EIF2AK1: variants seen among roughly 807,000 people sequenced by gnomAD.
EIF2AK1 encodes eukaryotic translation initiation factor 2-alpha kinase 1.
A neutral mutation model predicts 77.9 loss-of-function variants in EIF2AK1; 54 were observed. That is an observed-to-expected ratio of 0.69 (90% CI 0.56 to 0.87). The LOEUF is 0.87. Ranked by LOEUF, EIF2AK1 falls within the 40% of genes least tolerant of loss-of-function variation. The pLI, the probability that EIF2AK1 is intolerant of heterozygous loss-of-function variation, is 0.00. For missense variants in EIF2AK1, 810 were observed against 768.6 expected, an observed-to-expected ratio of 1.05 and a Z score of -0.64; for synonymous variants, 314 against 290.5, an observed-to-expected ratio of 1.08 and a Z score of -0.82.
At chr7:6,058,365 T>C in intron 1 of EIF2AK1, 1 of 328,224 alleles carries the variant, frequency 3.0e-6, no homozygotes, top group African/African-American at 2.2e-5. Flanking sequence ...TGCAATGAGC[T>C]ATGATTGTGC....
At chr7:6,031,297 A>T (rs1479068530) in intron 11 of EIF2AK1, 1 of 1,336,864 alleles carries the variant, frequency 7.5e-7, no homozygotes, top group Non-Finnish European at 1.0e-6. Flanking sequence ...CTAGAACTGA[A>T]CTGAAAGAAT....
chr7:6,037,343 A>G, intron 11 of EIF2AK1, 81 bp downstream of exon 11: 1 of 867,238 alleles, frequency 1.2e-6, no homozygotes, highest in Non-Finnish European at 1.9e-6. Context: ...ATGTAATCTT[A>G]TTTAGTTTAA....
intron 1 of EIF2AK1, among the ~76,000 whole-genome samples, chr7:6,056,403 G>A (rs887682513): frequency 7.3e-5 from 11 of 150,286 alleles, no homozygotes; most frequent in African/African-American, 2.7e-4. Flanking sequence ...GACCAGCCTG[G>A]CCAAGATGGT....
chr7:6,024,334 T>TGGGCAGTGACGA lies in EIF2AK1; in HGVS notation c.*327_*338dup. 1 of 1,223,296 alleles carries TGGGCAGTGACGA rather than the reference T, an allele frequency of 8.2e-7. No homozygotes were observed. The highest frequency in any genetic ancestry group is 1.0e-6 in the Non-Finnish European group (1 of 967,324). The allele number at this position is 1,223,296 out of a possible 1,614,324, so 75.8% of individuals were successfully genotyped here. The stretch of plus-strand genomic sequence containing the variant: ...CAGTGAGTATGTGCAGGCCCGGGCT[T>TGGGCAGTGACGA]GGGCAGTGACGAGGGCAGGGAGCAC... On this transcript the variant is annotated 3_prime_UTR_variant, in exon 15 of 15. Transcript: ENST00000199389.
At position 6,023,292 on chromosome 7, in the gene EIF2AK1, T is replaced by A; in HGVS notation, c.*1381A>T. ...TCTGGTGATGCTACCTGGCGTGTTT[T>A]TTCTTTTCAGTGCCGAAGACGCAGA... On this transcript the variant is annotated 3_prime_UTR_variant, in exon 15 of 15. Transcript: ENST00000199389. The A allele has an allele frequency of 8.9e-6, 14 of 1,578,790 alleles. 1 individual carries two copies. The Middle Eastern group carries it at 2.4e-3, about 276-fold the overall frequency.
chr7:6,058,097 C>T, intron 1 of EIF2AK1: 1 of 455,572 alleles, frequency 2.2e-6, no homozygotes, highest in Non-Finnish European at 4.4e-6. Context: ...CCCGTATCTC[C>T]TAGTAAACAA....
At chr7:6,052,637 C>CTT (rs530560578) in intron 2 of EIF2AK1, among the ~76,000 whole-genome samples, 2 of 113,264 alleles carry the variant, frequency 1.8e-5, no homozygotes, top group African/African-American at 3.2e-5. Flanking sequence ...TGGAACTATT[C>CTT]TTTTTTTTTT....
At chr7:6,055,342 C>CAA (rs58804557) in intron 1 of EIF2AK1, among the ~76,000 whole-genome samples, 34,183 of 70,446 alleles carry the variant, frequency 0.49, 7,643 homozygotes, top group Non-Finnish European at 0.52. Context: ...AACTCCGTCT[C>CAA]AAAAAAAAAA....
rs992986651 is a variant in EIF2AK1, at chr7:6,046,872, G to C, written c.549+120C>G. 1.7e-5 allele frequency: 16 copies of C among 942,516 alleles called. No individual in the cohort carries two copies. The South Asian group carries it at 2.6e-4, about 16-fold the overall frequency. 58.4% of individuals were successfully genotyped at this position (942,516 alleles called of 1,614,324 possible). A position where few individuals can be genotyped will look rare whatever the true frequency, so the allele number is the denominator to read the frequency against. On this transcript the variant is annotated intron_variant, in intron 5 of 14. Transcript: ENST00000199389. Reference sequence around the variant, plus strand: ...AGCTGAGATTGCGCCGCGCACTCCAGCCTGGCGACAGAGCGAGACTCCATC... The same window carrying C: ...AGCTGAGATTGCGCCGCGCACTCCACCCTGGCGACAGAGCGAGACTCCATC...
intron 2 of EIF2AK1, among the ~76,000 whole-genome samples, chr7:6,053,383 G>C (rs1788661107): frequency 6.6e-6 from 1 of 152,116 alleles, no homozygotes; most frequent in Middle Eastern, 3.4e-3. Context: ...ATTTTGTTGA[G>C]ACTGAGTCTT....
chr7:6,035,751 G>C lies in EIF2AK1; in HGVS notation c.1332+1673C>G. The C allele has an allele frequency of 6.4e-7, 1 of 1,551,062 alleles. No homozygotes were observed. Among genetic ancestry groups the C allele is most frequent in the East Asian group, 2.4e-5 (1 of 40,928 alleles). On this transcript the variant is annotated intron_variant, in intron 11 of 14. Transcript: ENST00000199389. The surrounding 1 kb of genome is among the most constrained non-coding windows in gnomAD (Gnocchi z 5.5). The stretch of plus-strand genomic sequence containing the variant: ...AGCCAGCATGACACCCCTTCACATG[G>C]CCGCAAACATGCTGAATAAGGAGAT...
rs1047133093 is a variant in EIF2AK1, at chr7:6,037,451, G to C, written c.1305C>G (p.Asn435Lys). The C allele has an allele frequency of 6.2e-7, 1 of 1,610,874 alleles. No individual in the cohort carries two copies. The highest frequency in any genetic ancestry group is 1.7e-5 in the Admixed American group (1 of 59,764). ...ELVEGVFYIH[N>K]MGIVHRDLKP... ...TCAGATCTCGGTGCACAATTCCCATGTTATGTATGTAAAACACACCTTCTA... is the reference window on the plus strand; with the variant it reads ...TCAGATCTCGGTGCACAATTCCCATCTTATGTATGTAAAACACACCTTCTA... The change falls in exon 11 of 15, where the codon AAC (asparagine) becomes AAG (lysine). Residue 435 changes from asparagine (N) to lysine (K), a missense_variant. Transcript: ENST00000199389.
rs1787977520 is a variant in EIF2AK1 at position 6,033,570 on chromosome 7, T to C, written c.1332+3854A>G. On this transcript the variant is annotated intron_variant, in intron 11 of 14. Transcript: ENST00000199389. The surrounding 1 kb of genome is among the most constrained non-coding windows in gnomAD (Gnocchi z 4.4). Reference sequence around the variant, plus strand: ...TTAGGTGTGAAAAATAAAATATAGGTAGACAATGGATTTTCTTTATTTTTG... The same window carrying C: ...TTAGGTGTGAAAAATAAAATATAGGCAGACAATGGATTTTCTTTATTTTTG... 1.3e-5 allele frequency among the ~76,000 whole-genome samples: 2 copies of C among 152,008 alleles called. No individual in the cohort carries two copies. Among genetic ancestry groups the C allele is most frequent in the Non-Finnish European group, 1.5e-5 (1 of 67,982 alleles).
intron 2 of EIF2AK1, among the ~76,000 whole-genome samples, chr7:6,053,422 C>T (rs1012776728): frequency 6.6e-5 from 10 of 152,058 alleles, no homozygotes; most frequent in Non-Finnish European, 1.3e-4. Flanking sequence ...TGTGCAATGG[C>T]GCGATCTCAG....
chr7:6,055,392 T>C (rs80152678), intron 1 of EIF2AK1, among the ~76,000 whole-genome samples: 2,996 of 138,442 alleles, frequency 0.022, 101 homozygotes, highest in African/African-American at 0.076. Context: ...GAGGGAAAGA[T>C]AGGAAAAATG....
chr7:6,031,253 A>C (rs1299128019), intron 11 of EIF2AK1: 2 of 943,768 alleles, frequency 2.1e-6, no homozygotes, highest in Non-Finnish European at 3.2e-6. Context: ...GATTGCCTTC[A>C]CAGATCCAAT....
At position 6,023,671 on chromosome 7, in the gene EIF2AK1, GCCCTCAAGC is replaced by G; in HGVS notation, c.*993_*1001del. Reference sequence around the variant, plus strand: ...TGAAAACCTGGCTCCTTTTAACACGGCCCTCAAGCTCCTTAAGTGAATTGCCGTAACTGA... The same window carrying G: ...TGAAAACCTGGCTCCTTTTAACACGGTCCTTAAGTGAATTGCCGTAACTGA... On this transcript the variant is annotated 3_prime_UTR_variant, in exon 15 of 15. Transcript: ENST00000199389. The G allele has an allele frequency of 6.2e-7, 1 of 1,614,072 alleles. No homozygotes were observed. The highest frequency in any genetic ancestry group is 1.1e-5 in the South Asian group (1 of 91,064).
At chr7:6,031,008 A>C (rs571955955) in intron 11 of EIF2AK1, among the ~76,000 whole-genome samples, 1 of 152,350 alleles carries the variant, frequency 6.6e-6, no homozygotes, top group East Asian at 1.9e-4. Context: ...TAAGGTTAAA[A>C]GTTTTCTTAC....
intron 2 of EIF2AK1, 90 bp downstream of exon 2, chr7:6,054,456 A>C: frequency 7.0e-7 from 1 of 1,436,326 alleles, no homozygotes. Flanking sequence ...CGCCCACCTC[A>C]GCCTCCCAAA....
Sources: gnomAD v4.1 joint callset for allele counts (sites outside exome capture counted in the v4.1 genomes callset) on GRCh38, gnomAD v4.1.1 for gene constraint, Gnocchi (gnomAD v3.1) non-coding constraint, MANE v1.5 for transcripts, NCBI Gene and HGNC (gene_info 2026-07-23, HGNC 2026-07-21) for gene names.